The following ADAMTSL3 variants were observed in gnomAD, a reference collection of about 807,000 sequenced individuals.
The protein encoded by ADAMTSL3 is ADAMTS like 3.
ADAMTSL3 carries 128 observed loss-of-function variants against 201.7 expected under a neutral mutation model. The ratio of observed to expected loss-of-function variants is 0.63; its 90% confidence interval spans 0.55 to 0.73. The LOEUF is 0.73. Among genes scored for constraint, ADAMTSL3 ranks in the 30% least tolerant of loss-of-function variants. ADAMTSL3 has a pLI of 0.00. For synonymous variants in ADAMTSL3, 738 were observed against 748.4 expected (o/e 0.99, Z 0.23); for missense variants, 1,990 against 2,119.6 (o/e 0.94, Z 1.20).
intron 2 of ADAMTSL3, among the ~76,000 whole-genome samples, chr15:83,660,369 G>A (rs1248253864): frequency 6.6e-6 from 1 of 152,210 alleles, no homozygotes; most frequent in Non-Finnish European, 1.5e-5. Context: ...AAGGAAGGTA[G>A]TCCTGGGTCA....
chr15:83,982,237 C>T (rs376493585), intron 20 of ADAMTSL3, 36 bp from the exon 21 acceptor site: 42 of 1,498,852 alleles, frequency 2.8e-5, no homozygotes, highest in Admixed American at 8.6e-5. Context: ...GATGTTTATT[C>T]GTATTTTCTT....
intron 3 of ADAMTSL3, among the ~76,000 whole-genome samples, chr15:83,725,426 T>C (rs998471738): frequency 1.3e-5 from 2 of 152,196 alleles, no homozygotes; most frequent in Admixed American, 1.3e-4. Context: ...CTTCTTTTGC[T>C]TTGGTTGCCT....
intron 3 of ADAMTSL3, among the ~76,000 whole-genome samples, chr15:83,749,772 A>G (rs2062609040): frequency 6.6e-6 from 1 of 152,196 alleles, no homozygotes; most frequent in South Asian, 2.1e-4. Context: ...GTAATTCATG[A>G]AAGCGAATAG....
intron 17 of ADAMTSL3, among the ~76,000 whole-genome samples, chr15:83,925,808 G>A (rs972446232): frequency 6.6e-6 from 1 of 152,046 alleles, no homozygotes; most frequent in African/African-American, 2.4e-5. Flanking sequence ...AGATACTTTT[G>A]GAAAAGCTGG....
chr15:83,891,461 G>A (rs2065497161), intron 12 of ADAMTSL3, 82 bp downstream of exon 12: 5 of 1,149,006 alleles, frequency 4.4e-6, no homozygotes, highest in Non-Finnish European at 6.6e-6. Context: ...AGCCTAAAAT[G>A]TATGAGGGTT....
chr15:83,900,424 G>C (rs1457289485), intron 15 of ADAMTSL3, among the ~76,000 whole-genome samples: 1 of 152,218 alleles, frequency 6.6e-6, no homozygotes, highest in Non-Finnish European at 1.5e-5. Context: ...GGGACAAAAA[G>C]AGAGCAAGAA....
intron 23 of ADAMTSL3, among the ~76,000 whole-genome samples, chr15:83,999,277 C>A (rs2067745580): frequency 6.6e-6 from 1 of 152,144 alleles, no homozygotes; most frequent in African/African-American, 2.4e-5. Context: ...AAACTTAAAC[C>A]ATTTGTACTT....
chr15:83,831,140 AC>A (rs1250464554), intron 6 of ADAMTSL3, among the ~76,000 whole-genome samples: 2 of 151,952 alleles, frequency 1.3e-5, no homozygotes, highest in Admixed American at 6.6e-5. Flanking sequence ...TCTGCACCTT[AC>A]CTCCTCTTGT....
intron 6 of ADAMTSL3, among the ~76,000 whole-genome samples, chr15:83,827,024 C>A (rs1373398975): frequency 1.3e-5 from 2 of 151,994 alleles, no homozygotes; most frequent in African/African-American, 4.8e-5. Flanking sequence ...GGGTATATAC[C>A]CAGTAATAGG....
chr15:83,937,386 C>G (rs1431619596), intron 17 of ADAMTSL3, among the ~76,000 whole-genome samples: 3 of 150,772 alleles, frequency 2.0e-5, no homozygotes, highest in Admixed American at 2.0e-4. Flanking sequence ...GAGATCATTA[C>G]CTTAAGTGAA....
At chr15:83,983,513 A>T (rs947189182) in intron 21 of ADAMTSL3, among the ~76,000 whole-genome samples, 169 bp downstream of exon 21, 3 of 152,206 alleles carry the variant, frequency 2.0e-5, no homozygotes, top group Admixed American at 6.5e-5. Flanking sequence ...ATACGTTGGA[A>T]TTTTTAAATT....
chr15:83,984,946 CTT>C (rs1243405017), intron 21 of ADAMTSL3, among the ~76,000 whole-genome samples: 1 of 152,180 alleles, frequency 6.6e-6, no homozygotes, highest in Non-Finnish European at 1.5e-5. Flanking sequence ...TGTGGATACT[CTT>C]TAATTCTACA....
chr15:83,757,706 G>C (rs2062743962), intron 3 of ADAMTSL3, among the ~76,000 whole-genome samples: 1 of 152,138 alleles, frequency 6.6e-6, no homozygotes, highest in Non-Finnish European at 1.5e-5. Context: ...CACATCTCAG[G>C]TTGCAAATTT....
chr15:83,905,923 G>GT (rs1229571831), intron 15 of ADAMTSL3, among the ~76,000 whole-genome samples: 9 of 151,020 alleles, frequency 6.0e-5, no homozygotes, highest in Admixed American at 3.3e-4. Context: ...TTATTTTGTA[G>GT]TTTTTTTTAT....
chr15:83,947,651 T>C (rs1250911593), intron 19 of ADAMTSL3, among the ~76,000 whole-genome samples: 1 of 152,206 alleles, frequency 6.6e-6, no homozygotes, highest in African/African-American at 2.4e-5. Flanking sequence ...TTTTCCTTCA[T>C]CATGTTTCTT....
chr15:83,838,668 A>G (rs1335335693), intron 7 of ADAMTSL3, among the ~76,000 whole-genome samples: 1 of 152,212 alleles, frequency 6.6e-6, no homozygotes, highest in East Asian at 1.9e-4. Flanking sequence ...TATCACCAAT[A>G]CTAACATTTT....
chr15:83,677,780 A>AT (rs2061426478), intron 2 of ADAMTSL3, among the ~76,000 whole-genome samples: 1 of 152,062 alleles, frequency 6.6e-6, no homozygotes, highest in Non-Finnish European at 1.5e-5. Context: ...ATGAAAAGTA[A>AT]TTATACTAAA....
intron 8 of ADAMTSL3, among the ~76,000 whole-genome samples, chr15:83,867,470 T>C (rs545363359): frequency 6.6e-6 from 1 of 152,336 alleles, no homozygotes; most frequent in East Asian, 1.9e-4. Flanking sequence ...TGTGTTTAAC[T>C]AGCAGTAAAC....
intron 2 of ADAMTSL3, among the ~76,000 whole-genome samples, chr15:83,700,791 T>C (rs1239543532): frequency 6.6e-6 from 1 of 151,946 alleles, no homozygotes; most frequent in Non-Finnish European, 1.5e-5. Flanking sequence ...AAAAATAAAG[T>C]GATGATTGAA....
Sources: gnomAD v4.1 joint callset for allele counts (sites outside exome capture counted in the v4.1 genomes callset) on GRCh38, gnomAD v4.1.1 for gene constraint, MANE v1.5 for transcripts, NCBI Gene and HGNC (gene_info 2026-07-23, HGNC 2026-07-21) for gene names.